LHFPL4: variants seen among roughly 807,000 people sequenced by gnomAD.
LHFPL4 encodes LHFPL tetraspan subfamily member 4.
A neutral mutation model predicts 20.0 loss-of-function variants in LHFPL4; 6 were observed. The observed-to-expected ratio is 0.30, with a 90% CI of 0.16 to 0.59. The LOEUF (loss-of-function observed/expected upper bound fraction) is 0.59. Among genes scored for constraint, LHFPL4 ranks in the 20% least tolerant of loss-of-function variants. The probability of loss-of-function intolerance (pLI) is 0.88; values close to 1 mark genes in which losing one functional copy is unlikely to be tolerated. For missense variants in LHFPL4, 215 were observed against 331.2 expected (o/e 0.65, Z 2.72); for synonymous variants, 129 against 143.8 (o/e 0.90, Z 0.74).
At chr3:9,527,809 AAC>A (rs58489008) in intron 2 of LHFPL4, among the ~76,000 whole-genome samples, 9,407 of 143,142 alleles carry the variant, frequency 0.066, 320 homozygotes, top group African/African-American at 0.093. Context: ...TTCAAATACA[AAC>A]ACACACACAC....
chr3:9,540,447 TC>T (rs2046470084), intron 2 of LHFPL4, among the ~76,000 whole-genome samples: 1 of 152,200 alleles, frequency 6.6e-6, no homozygotes. Context: ...GGAACTTACT[TC>T]TTGTAATAGA....
intron 2 of LHFPL4, among the ~76,000 whole-genome samples, chr3:9,519,422 T>C (rs745499751): frequency 1.3e-5 from 2 of 152,148 alleles, no homozygotes; most frequent in Admixed American, 6.5e-5. Context: ...CTCTCTCTCA[T>C]AGTTAACCTG....
chr3:9,540,263 T>C (rs2046469152), intron 2 of LHFPL4, among the ~76,000 whole-genome samples: 1 of 152,220 alleles, frequency 6.6e-6, no homozygotes, highest in Admixed American at 6.5e-5. Flanking sequence ...CTTTATACAC[T>C]GATATGGAAC....
chr3:9,546,919 C>A (rs2046518418), intron 2 of LHFPL4, among the ~76,000 whole-genome samples: 1 of 152,294 alleles, frequency 6.6e-6, no homozygotes. Context: ...TTCAGAGAGG[C>A]AAACCCATTT....
At chr3:9,524,037 GT>G (rs1156242900) in intron 2 of LHFPL4, among the ~76,000 whole-genome samples, 1 of 141,908 alleles carries the variant, frequency 7.0e-6, no homozygotes, top group Non-Finnish European at 1.5e-5. Flanking sequence ...TGCTTGCACA[GT>G]TTTTGAGTCA....
intron 2 of LHFPL4, among the ~76,000 whole-genome samples, chr3:9,511,350 CAA>C (rs74730069): frequency 1.6e-5 from 2 of 122,156 alleles, no homozygotes; most frequent in Non-Finnish European, 1.8e-5. Context: ...GACTCCATCT[CAA>C]AAAAAAAAAA....
In LHFPL4 at chr3:9,551,896, A is replaced by G. The variant is rs1176233177; in HGVS notation, c.406+378T>C. Among the ~76,000 whole-genome samples, 4 of 152,276 alleles carry G rather than the reference A, an allele frequency of 2.6e-5. No homozygotes were observed. The East Asian group carries it at 7.7e-4, about 29-fold the overall frequency. On this transcript the variant is annotated intron_variant, in intron 2 of 3. Coordinates refer to ENST00000287585, the MANE Select transcript of LHFPL4 (RefSeq NM_198560.3). ...TCCAAGCCAGATCTCTTGATTCACC[A>G]TTTCATGCTTTTTTTCAACATAACA... is the stretch of plus-strand genomic sequence containing the variant.
At chr3:9,532,748 C>A (rs1336471125) in intron 2 of LHFPL4, among the ~76,000 whole-genome samples, 1 of 152,188 alleles carries the variant, frequency 6.6e-6, no homozygotes, top group Non-Finnish European at 1.5e-5. Context: ...CAGCTGCCAC[C>A]TGTTATAGGG....
At chr3:9,542,903 G>T (rs2046486580) in intron 2 of LHFPL4, among the ~76,000 whole-genome samples, 1 of 152,006 alleles carries the variant, frequency 6.6e-6, no homozygotes, top group African/African-American at 2.4e-5. Context: ...TAAATTAGTG[G>T]TTGCTTAGGG....
At chr3:9,550,204 G>A (rs370629798) in intron 2 of LHFPL4, among the ~76,000 whole-genome samples, 53 of 152,230 alleles carry the variant, frequency 3.5e-4, no homozygotes, top group African/African-American at 1.2e-3. Context: ...CTTCTGGCCT[G>A]GTGTCACTTT....
chr3:9,535,460 T>A (rs1054917909), intron 2 of LHFPL4, among the ~76,000 whole-genome samples: 5 of 152,200 alleles, frequency 3.3e-5, no homozygotes, highest in African/African-American at 1.2e-4. Flanking sequence ...TATACTGTTA[T>A]GAGTATAGAC....
intron 2 of LHFPL4, among the ~76,000 whole-genome samples, chr3:9,547,509 T>G (rs1379574645): frequency 6.6e-6 from 1 of 152,250 alleles, no homozygotes; most frequent in Non-Finnish European, 1.5e-5. Context: ...AGATCTGTAT[T>G]AGACTTGCGT....
rs2046182009 is a variant in LHFPL4, at chr3:9,502,241, G to A, written c.714C>T (p.Pro238=). The A allele has an allele frequency of 5.6e-6, 9 of 1,614,102 alleles. No individual in the cohort carries two copies. Among genetic ancestry groups the A allele is most frequent in the Non-Finnish European group, 7.6e-6 (9 of 1,179,978 alleles). The part of the protein sequence containing the change: ...GGDVSGWGVL[P]CPVAHSQGP Reference sequence around the variant, plus strand: ...GTCCCTGTGAGTGAGCCACGGGGCAGGGAAGGACTCCCCATCCAGAGACAT... The same window carrying A: ...GTCCCTGTGAGTGAGCCACGGGGCAAGGAAGGACTCCCCATCCAGAGACAT... The change falls in exon 4 of 4, where the codon CCC becomes CCT. Residue 238 remains proline, a synonymous_variant. Transcript: ENST00000287585.
chr3:9,519,373 C>A (rs931371546), intron 2 of LHFPL4, among the ~76,000 whole-genome samples: 2 of 152,130 alleles, frequency 1.3e-5, no homozygotes, highest in African/African-American at 4.8e-5. Flanking sequence ...CCACACCTGG[C>A]CTCTTTATTC....
At chr3:9,514,470 C>T (rs2046284526) in intron 2 of LHFPL4, among the ~76,000 whole-genome samples, 1 of 152,202 alleles carries the variant, frequency 6.6e-6, no homozygotes, top group African/African-American at 2.4e-5. Flanking sequence ...ACCAGGGTGG[C>T]ATATTTGCTA....
At chr3:9,516,804 A>C (rs1574841759) in intron 2 of LHFPL4, among the ~76,000 whole-genome samples, 1 of 57,880 alleles carries the variant, frequency 1.7e-5, no homozygotes, top group Non-Finnish European at 3.2e-5. Flanking sequence ...TTTTTTTTTG[A>C]GATGGGAGTC....
intron 2 of LHFPL4, among the ~76,000 whole-genome samples, chr3:9,507,215 C>T (rs1437952193): frequency 6.6e-6 from 1 of 152,196 alleles, no homozygotes. Context: ...CAGGGCCTAC[C>T]ATATGCCAGG....
chr3:9,538,800 G>A (rs1156582869), intron 2 of LHFPL4, among the ~76,000 whole-genome samples: 1 of 151,802 alleles, frequency 6.6e-6, no homozygotes, highest in African/African-American at 2.4e-5. Flanking sequence ...CCTGGTTCAA[G>A]GGATTCTCCT....
intron 2 of LHFPL4, among the ~76,000 whole-genome samples, chr3:9,546,772 G>A (rs1465161516): frequency 2.0e-5 from 3 of 152,136 alleles, no homozygotes; most frequent in African/African-American, 7.2e-5. Context: ...CTCTTCCCTC[G>A]GACTATGTCA....
Sources: gnomAD v4.1 joint callset for allele counts (sites outside exome capture counted in the v4.1 genomes callset) on GRCh38, gnomAD v4.1.1 for gene constraint, MANE v1.5 for transcripts, NCBI Gene and HGNC (gene_info 2026-07-23, HGNC 2026-07-21) for gene names.